Variants in GLB1L2 observed in about 807,000 individuals in gnomAD.
GLB1L2 encodes the protein galactosidase beta 1 like 2.
GLB1L2 carries 68 observed loss-of-function variants against 84.1 expected under a neutral mutation model. That is an observed-to-expected ratio of 0.81 (90% CI 0.67 to 0.99). The LOEUF (loss-of-function observed/expected upper bound fraction) is 0.99, where lower values mean the gene tolerates loss of function less well. Ranked by LOEUF, GLB1L2 falls within the 50% of genes least tolerant of loss-of-function variation. The pLI is 0.00. For synonymous variants in GLB1L2, 290 were observed against 318.0 expected, an observed-to-expected ratio of 0.91 and a Z score of 0.94; for missense variants, 762 against 805.6, an observed-to-expected ratio of 0.95 and a Z score of 0.66.
At position 134,374,230 on chromosome 11, in the gene GLB1L2, C is replaced by G; in HGVS notation, c.1681C>G (p.Pro561Ala). The change falls in exon 17 of 19, where the codon CCT becomes GCT. Residue 561 changes from proline (P) to alanine (A), a missense_variant. By Grantham distance (27) the Pro-to-Ala change is conservative. Around this residue, in one of 3 missense-constraint regions of GLB1L2, gnomAD observed 603 missense variants for 611.7 expected, o/e 0.99. Coordinates refer to ENST00000535456, the MANE Select transcript of GLB1L2 (RefSeq NM_001370461.1). The part of the protein sequence containing the change: ...FLGSLSISST[P>A]CDTFLKLEGW... ...GGGTAGCTTGTCCATCAGCTCCACCCCTTGTGACACCTTTCTGAAGCTGGA... is the reference window on the plus strand; with the variant it reads ...GGGTAGCTTGTCCATCAGCTCCACCGCTTGTGACACCTTTCTGAAGCTGGA... The G allele has an allele frequency of 6.2e-7, 1 of 1,612,202 alleles. No individual in the cohort carries two copies. The highest frequency in any genetic ancestry group is 1.3e-5 in the African/African-American group (1 of 75,028).
chr11:134,364,471 G>C, intron 8 of GLB1L2, 73 bp downstream of exon 8: 1 of 1,206,548 alleles, frequency 8.3e-7, no homozygotes, highest in Non-Finnish European at 1.2e-6. Flanking sequence ...GCCTGTCAGC[G>C]TGCTCAGCTT....
chr11:134,347,321 C>G lies in GLB1L2; in HGVS notation c.450-4C>G. On this transcript the variant is annotated splice_region_variant and splice_polypyrimidine_tract_variant and intron_variant, in intron 4 of 18. Transcript: ENST00000535456. ...TCCTTCCTTTCCCCCGTTTACACTT[C>G]AAGCTGGCTACTCCAAGACCCTGGC... is the stretch of plus-strand genomic sequence containing the variant. 6.2e-7 allele frequency: 1 copy of G among 1,610,714 alleles called. No homozygotes were observed. Among genetic ancestry groups the G allele is most frequent in the Non-Finnish European group, 8.5e-7 (1 of 1,176,840 alleles).
At position 134,338,780 on chromosome 11, in the gene GLB1L2, G is replaced by A. The variant is rs563815255; in HGVS notation, c.87-3974G>A. 7.9e-5 allele frequency among the ~76,000 whole-genome samples: 12 copies of A among 152,290 alleles called. No homozygotes were observed. Among genetic ancestry groups the A allele is most frequent in the African/African-American group, 2.9e-4 (12 of 41,562 alleles). On this transcript the variant is annotated intron_variant, in intron 1 of 18. Transcript: ENST00000535456. The surrounding 1 kb of genome is among the most constrained non-coding windows in gnomAD (Gnocchi z 6.2). ...GCCAAAAGGGAACTGGTGAGGATGG[G>A]CTGTAGAGGTCTTGTTAGGTTGTGC...
chr11:134,374,983 TGAG>T lies in GLB1L2; in HGVS notation c.1840_1842del (p.Glu614del), dbSNP rs1214615345. ...CCCTCTCTCCACAGGTCATCGTTTT[TGAG>T]GAGACGATGGCGGGCCCTGCATTAC... is the stretch of plus-strand genomic sequence containing the variant. On this transcript the variant is annotated inframe_deletion, in exon 19 of 19. Coordinates refer to ENST00000535456, the MANE Select transcript of GLB1L2 (RefSeq NM_001370461.1). 1.9e-6 allele frequency: 3 copies of T among 1,613,454 alleles called. No individual in the cohort carries two copies. The highest frequency in any genetic ancestry group is 2.5e-6 in the Non-Finnish European group (3 of 1,179,842).
At chr11:134,336,752 G>A (rs1160972589) in intron 1 of GLB1L2, among the ~76,000 whole-genome samples, 1 of 134,102 alleles carries the variant, frequency 7.5e-6, no homozygotes, top group Non-Finnish European at 1.7e-5. Flanking sequence ...CTATGTGGTG[G>A]ATTAAAAAAA....
At chr11:134,358,403 G>C (rs143917163) in intron 6 of GLB1L2, among the ~76,000 whole-genome samples, 1 of 152,258 alleles carries the variant, frequency 6.6e-6, no homozygotes, top group African/African-American at 2.4e-5. Context: ...AGGGCCTGGC[G>C]TGGCAGTGAC....
At chr11:134,349,957 G>A (rs570198894) in intron 5 of GLB1L2, among the ~76,000 whole-genome samples, 8 of 152,212 alleles carry the variant, frequency 5.3e-5, no homozygotes, top group Admixed American at 2.0e-4. Context: ...CTCTGCCGGC[G>A]CCCTTTCCTA....
rs1943438296 is a variant in GLB1L2, at chr11:134,339,916, A to T, written c.87-2838A>T. Among the ~76,000 whole-genome samples the T allele has an allele frequency of 6.6e-6, 1 of 152,124 alleles. No individual in the cohort carries two copies. Among genetic ancestry groups the T allele is most frequent in the African/African-American group, 2.4e-5 (1 of 41,420 alleles). ...CTGCACTTTGAGTCAGGCGGCTGTG[A>T]CCCTGAGGGAGTTCAGAGGTGTGGC... On this transcript the variant is annotated intron_variant, in intron 1 of 18. Transcript: ENST00000535456. This position sits in a 1 kb window ranked among gnomAD's most constrained non-coding sequence, Gnocchi z 5.7.
At chr11:134,346,714 G>T (rs1239196990) in intron 4 of GLB1L2, 1 of 152,734 alleles carries the variant, frequency 6.5e-6, no homozygotes, top group Admixed American at 6.5e-5. Context: ...GAAGAGCCCT[G>T]ACTCCAGCTT....
rs751829885 is a variant in GLB1L2, at chr11:134,342,940, C to CACCCTCACCACGTAGGTG, written c.274_284+7dup. On this transcript the variant is annotated stop_gained and inframe_insertion, in exon 2 of 19. Coordinates refer to ENST00000535456, the MANE Select transcript of GLB1L2 (RefSeq NM_001370461.1). LOFTEE classifies it high-confidence loss of function. ...TGAAGATGAAGGCCTGTGGCTTGAA[C>CACCCTCACCACGTAGGTG]ACCCTCACCACGTAGGTGCTGCCCC... 6.8e-6 allele frequency: 11 copies of CACCCTCACCACGTAGGTG among 1,611,670 alleles called. No individual in the cohort carries two copies. The East Asian group carries it at 2.2e-4, about 33-fold the overall frequency.
chr11:134,358,455 G>A lies in GLB1L2; in HGVS notation c.652-605G>A, dbSNP rs185814997. Among the ~76,000 whole-genome samples the A allele has an allele frequency of 1.0e-3, 156 of 152,384 alleles. 2 individuals are homozygous for A. The highest frequency in any genetic ancestry group is 9.9e-3 in the Admixed American group (151 of 15,308). ...GGGGACGCTCTGAGTGGTGATTGTC[G>A]TCACTGCCCCTCAAGCACAGCGTTT... On this transcript the variant is annotated intron_variant, in intron 6 of 18. Coordinates refer to ENST00000535456, the MANE Select transcript of GLB1L2 (RefSeq NM_001370461.1).
chr11:134,369,386 G>A (rs984925658), intron 10 of GLB1L2, among the ~76,000 whole-genome samples: 1 of 152,094 alleles, frequency 6.6e-6, no homozygotes, highest in African/African-American at 2.4e-5. Context: ...TAGAGGTGGG[G>A]GTCTCGCTAT....
chr11:134,374,629 A>G lies in GLB1L2; in HGVS notation c.1735A>G (p.Asn579Asp). 1 of 1,613,982 alleles carries G rather than the reference A, an allele frequency of 6.2e-7. No homozygotes were observed. Among genetic ancestry groups the G allele is most frequent in the Non-Finnish European group, 8.5e-7 (1 of 1,179,936 alleles). ...CTGGGAGAAGGGGGTTGTATTCATC[A>G]ATGGCCAGAACCTTGGACGTTACTG... ...EGWEKGVVFI[N>D]GQNLGRYWNI... Residue 579 changes from asparagine (N) to aspartate (D), a missense_variant, in exon 18 of 19, where the codon AAT (asparagine) becomes GAT (aspartate). Coordinates refer to ENST00000535456, the MANE Select transcript of GLB1L2 (RefSeq NM_001370461.1).
At chr11:134,358,287 C>T (rs987202158) in intron 6 of GLB1L2, among the ~76,000 whole-genome samples, 3 of 152,262 alleles carry the variant, frequency 2.0e-5, no homozygotes, top group African/African-American at 4.8e-5. Context: ...CCCACGTTGC[C>T]ATGGGCCCTG....
intron 1 of GLB1L2, among the ~76,000 whole-genome samples, chr11:134,342,271 C>T (rs1402237375): frequency 1.3e-5 from 2 of 152,162 alleles, no homozygotes; most frequent in African/African-American, 4.8e-5. Context: ...TAATGAAGAC[C>T]TGGAATCGGG....
At chr11:134,342,148 C>G (rs1943472741) in intron 1 of GLB1L2, among the ~76,000 whole-genome samples, 1 of 151,984 alleles carries the variant, frequency 6.6e-6, no homozygotes, top group South Asian at 2.1e-4. Flanking sequence ...TGGGGCCGAC[C>G]CCGAGAGATG....
intron 14 of GLB1L2, 111 bp from the exon 15 acceptor site, chr11:134,371,641 G>A: frequency 8.5e-7 from 1 of 1,169,822 alleles, no homozygotes; most frequent in Non-Finnish European, 1.3e-6. Context: ...TGCCCAGCTG[G>A]GATGTACACT....
intron 5 of GLB1L2, 47 bp downstream of exon 5, chr11:134,347,480 G>A: frequency 3.0e-6 from 4 of 1,327,696 alleles, no homozygotes; most frequent in Non-Finnish European, 4.4e-6. Flanking sequence ...TCTTCCTCTA[G>A]GTCGTGGATC....
intron 11 of GLB1L2, 94 bp downstream of exon 11, chr11:134,369,979 C>T: frequency 9.6e-7 from 1 of 1,037,450 alleles, no homozygotes; most frequent in Non-Finnish European, 1.5e-6. Context: ...CCCACCTCGA[C>T]CCCAGTTGAT....
Sources: allele counts gnomAD v4.1 joint callset (sites outside exome capture counted in the v4.1 genomes callset), GRCh38; gene constraint gnomAD v4.1.1; regional missense constraint gnomAD v4.1.1; non-coding constraint Gnocchi (gnomAD v3.1); transcripts MANE v1.5; gene names NCBI Gene and HGNC (gene_info 2026-07-23, HGNC 2026-07-21).